IL17RD: variants seen among roughly 807,000 people sequenced by gnomAD.
The protein encoded by IL17RD is interleukin 17 receptor D, also known as interleukin-17 receptor D.
Under a neutral mutation model 80.5 loss-of-function variants are expected in IL17RD, and 52 were observed. The ratio of observed to expected loss-of-function variants is 0.65; its 90% confidence interval spans 0.52 to 0.81. The LOEUF is 0.81. IL17RD is among the 40% of genes least tolerant of loss of function. The pLI, the probability that IL17RD is intolerant of heterozygous loss-of-function variation, is 0.00. For synonymous variants in IL17RD, 416 were observed against 391.8 expected (o/e 1.06, Z -0.73); for missense variants, 1,024 against 955.1 (o/e 1.07, Z -0.95).
intron 3 of IL17RD, among the ~76,000 whole-genome samples, chr3:57,114,315 C>T (rs565517592): frequency 6.6e-5 from 10 of 152,276 alleles, no homozygotes; most frequent in East Asian, 1.9e-4. Context: ...TCTCTGTGTC[C>T]GCGGAGACTG....
At chr3:57,114,301 C>T (rs1707163963) in intron 3 of IL17RD, among the ~76,000 whole-genome samples, 1 of 152,184 alleles carries the variant, frequency 6.6e-6, no homozygotes, top group Non-Finnish European at 1.5e-5. Flanking sequence ...GCTGGGCTGG[C>T]ATGTCTCTGT....
At chr3:57,099,254 T>A (rs1579256358) in intron 11 of IL17RD, among the ~76,000 whole-genome samples, 1 of 152,248 alleles carries the variant, frequency 6.6e-6, no homozygotes, top group South Asian at 2.1e-4. Context: ...TTCACACAGG[T>A]ATACAAGGCT....
At chr3:57,108,704 C>T (rs572776923) in intron 5 of IL17RD, among the ~76,000 whole-genome samples, 12 of 151,738 alleles carry the variant, frequency 7.9e-5, no homozygotes, top group Admixed American at 3.3e-4. Flanking sequence ...TTAGTACAGA[C>T]GGGGTTTCAC....
Position 57,127,325 on chromosome 3 carries a change from TA to T in IL17RD, c.127-7013del, listed in dbSNP as rs1376746459. ...ATATAAAAATATATAAAAATATATA[TA>T]AATATATATAAAAATATATATAAAT... On this transcript the variant is annotated intron_variant, in intron 1 of 12. Coordinates refer to ENST00000296318, the MANE Select transcript of IL17RD (RefSeq NM_017563.5). 2.6e-3 allele frequency among the ~76,000 whole-genome samples: 227 copies of T among 86,004 alleles called. 10 individuals are homozygous for T. Among genetic ancestry groups the T allele is most frequent in the African/African-American group, 8.9e-3 (187 of 20,924 alleles). The allele number at this position is 86,004 out of a possible 152,430, so 56.4% of individuals were successfully genotyped here. A position where few individuals can be genotyped will look rare whatever the true frequency, so the allele number is the denominator to read the frequency against.
In IL17RD at chr3:57,114,788, TCC is replaced by T. The variant is rs773695922; in HGVS notation, c.212_213del (p.Gly71GlufsTer6). On this transcript the variant is annotated frameshift_variant, in exon 3 of 13. Transcript: ENST00000296318. LOFTEE classifies it high-confidence loss of function. ...TTCTGGGCGTCAGCAATCACATGCT[TCC>T]CCACTGGATTCAAGTAGGTGGTACA... ...DNCTTYLNPVGKHVIADAQNI... is the reference protein window; with the variant it reads ...DNCTTYLNPVXKHVIADAQNI... 2 of 1,610,108 alleles carry T rather than the reference TCC, an allele frequency of 1.2e-6. No homozygotes were observed. Among genetic ancestry groups the T allele is most frequent in the Non-Finnish European group, 1.7e-6 (2 of 1,178,386 alleles).
Position 57,102,472 on chromosome 3 carries a change from G to C in IL17RD, c.979+7C>G. 6.7e-7 allele frequency: 1 copy of C among 1,502,380 alleles called. No homozygotes were observed. The highest frequency in any genetic ancestry group is 9.1e-7 in the Non-Finnish European group (1 of 1,094,582). The allele number at this position is 1,502,380 out of a possible 1,614,324, so 93.1% of individuals were successfully genotyped here. On this transcript the variant is annotated splice_region_variant and intron_variant, in intron 10 of 12. Transcript: ENST00000296318. ...GTTGTGGGGAGACACAGCACACAAA[G>C]AGATACCTTGTTGCTTCTTGCGGCA...
At chr3:57,145,276 T>C (rs1707903828) in intron 1 of IL17RD, among the ~76,000 whole-genome samples, 1 of 152,156 alleles carries the variant, frequency 6.6e-6, no homozygotes, top group Admixed American at 6.6e-5. Context: ...GAAGACTAAA[T>C]GGGTTGTAAT....
chr3:57,093,328 T>C lies in IL17RD; in HGVS notation c.*3065A>G, dbSNP rs1428944151. On this transcript the variant is annotated 3_prime_UTR_variant, in exon 13 of 13. Coordinates refer to ENST00000296318, the MANE Select transcript of IL17RD (RefSeq NM_017563.5). ...CTCTTCAATAAAGACAGAAATAATA[T>C]TTTCTCTCTTCTTCAGGGAGCCAAA... The C allele has an allele frequency of 1.1e-4, 16 of 152,198 alleles. No individual in the cohort carries two copies. Among genetic ancestry groups the C allele is most frequent in the African/African-American group, 3.6e-4 (15 of 41,448 alleles). 9.4% of individuals were successfully genotyped at this position (152,198 alleles called of 1,614,324 possible). A position where few individuals can be genotyped will look rare whatever the true frequency, so the allele number is the denominator to read the frequency against.
intron 7 of IL17RD, among the ~76,000 whole-genome samples, chr3:57,105,135 T>C (rs1706925119): frequency 6.6e-6 from 1 of 152,132 alleles, no homozygotes. Flanking sequence ...AGCTTTCTCA[T>C]CTGTAAAATG....
upstream of IL17RD, chr3:57,169,089 G>A (rs78907528): frequency 2.2e-3 from 856 of 384,194 alleles, 2 homozygotes; most frequent in Non-Finnish European, 3.9e-3. Flanking sequence ...CTCTGTCCTG[G>A]AAGCTGAGCT....
rs34343372 is a variant in IL17RD, at chr3:57,148,324, C to CAA, written c.126+16835_126+16836dup. ...TGGGCAACAGAGCGAGACTCTATCT[C>CAA]AAAAAAAAAAAAAAAAGAAAAGAAA... On this transcript the variant is annotated intron_variant, in intron 1 of 12. Coordinates refer to ENST00000296318, the MANE Select transcript of IL17RD (RefSeq NM_017563.5). Among the ~76,000 whole-genome samples, 507 of 104,028 alleles carry CAA rather than the reference C, an allele frequency of 4.9e-3. 3 individuals are homozygous for CAA. The highest frequency in any genetic ancestry group is 0.016 in the African/African-American group (473 of 30,086). 68.2% of individuals were successfully genotyped at this position (104,028 alleles called of 152,430 possible).
At position 57,092,476 on chromosome 3, in the gene IL17RD, C is replaced by A. The variant is rs1444126122; in HGVS notation, c.*3917G>T. 1 of 151,928 alleles carries A rather than the reference C, an allele frequency of 6.6e-6. No individual in the cohort carries two copies. Among genetic ancestry groups the A allele is most frequent in the Non-Finnish European group, 1.5e-5 (1 of 68,000 alleles). 9.4% of individuals were successfully genotyped at this position (151,928 alleles called of 1,614,324 possible). Reference sequence around the variant, plus strand: ...TGGTGGTGGGCGCCTGTAGTCCCAGCTACTCAGGAGGCTGAGGCAGGAGAA... The same window carrying A: ...TGGTGGTGGGCGCCTGTAGTCCCAGATACTCAGGAGGCTGAGGCAGGAGAA... On this transcript the variant is annotated 3_prime_UTR_variant, in exon 13 of 13. Transcript: ENST00000296318.
intron 2 of IL17RD, among the ~76,000 whole-genome samples, chr3:57,119,170 G>A (rs1303128812): frequency 6.6e-6 from 1 of 152,130 alleles, no homozygotes; most frequent in East Asian, 1.9e-4. Context: ...GGCTAACACA[G>A]TGAAACCCCA....
At chr3:57,120,441 C>T (rs1319434194) in intron 1 of IL17RD, 128 bp from the exon 2 acceptor site, 2 of 684,052 alleles carry the variant, frequency 2.9e-6, no homozygotes, top group Non-Finnish European at 5.2e-6. Flanking sequence ...GGACATCATC[C>T]ACCACTCTTT....
chr3:57,122,228 A>G (rs2107500868), intron 1 of IL17RD, among the ~76,000 whole-genome samples: 1 of 152,370 alleles, frequency 6.6e-6, no homozygotes, highest in East Asian at 1.9e-4. Context: ...CTTAACAAGG[A>G]GAAGGATAAC....
At chr3:57,118,194 C>T (rs571456545) in intron 2 of IL17RD, among the ~76,000 whole-genome samples, 1 of 152,254 alleles carries the variant, frequency 6.6e-6, no homozygotes, top group South Asian at 2.1e-4. Flanking sequence ...TTAGCTGAAC[C>T]AAGTATCATG....
In IL17RD at chr3:57,098,378, C is replaced by T. The variant is rs374629547; in HGVS notation, c.1325G>A (p.Arg442Gln). The part of the protein sequence containing the change: ...KKNYKHKGGG[R>Q]GSGKGELFLV... ...GAAGAGCTCTCCTTTCCCCGAGCCT[C>T]GGCCACCTCCTTTGTGTTTGTAGTT... Residue 442 changes from arginine to glutamine, a missense_variant, in exon 12 of 13, where the codon CGA becomes CAA. By Grantham distance (43) the Arg-to-Gln change is conservative. Transcript: ENST00000296318. 8 of 1,613,896 alleles carry T rather than the reference C, an allele frequency of 5.0e-6. No homozygotes were observed. The highest frequency in any genetic ancestry group is 2.2e-5 in the East Asian group (1 of 44,886).
At position 57,165,241 on chromosome 3, in the gene IL17RD, C is replaced by T. The variant is rs1364879791; in HGVS notation, c.46G>A (p.Ala16Thr). 10 of 1,529,116 alleles carry T rather than the reference C, an allele frequency of 6.5e-6. No homozygotes were observed. Among genetic ancestry groups the T allele is most frequent in the Non-Finnish European group, 8.8e-6 (10 of 1,138,426 alleles). 94.7% of individuals were successfully genotyped at this position (1,529,116 alleles called of 1,614,324 possible). ...QLCSVFFTVN[A>T]CLNGSQLAVA... ...GCCAGCTGCGAGCCGTTGAGGCAGG[C>T]GTTGACCGTAAAGAAGACGGAGCAG... Residue 16 changes from alanine (A) to threonine (T), a missense_variant, in exon 1 of 13, where the codon GCC becomes ACC. Coordinates refer to ENST00000296318, the MANE Select transcript of IL17RD (RefSeq NM_017563.5).
At position 57,127,359 on chromosome 3, in the gene IL17RD, AATATAAATAT is replaced by A. The variant is rs1707509080; in HGVS notation, c.127-7056_127-7047del. Among the ~76,000 whole-genome samples the A allele has an allele frequency of 2.8e-4, 21 of 74,002 alleles. 1 individual carries two copies. The highest frequency in any genetic ancestry group is 4.4e-4 in the South Asian group (1 of 2,294). The allele number at this position is 74,002 out of a possible 152,430, so 48.5% of individuals were successfully genotyped here. On this transcript the variant is annotated intron_variant, in intron 1 of 12. Coordinates refer to ENST00000296318, the MANE Select transcript of IL17RD (RefSeq NM_017563.5). The stretch of plus-strand genomic sequence containing the variant: ...ATAAAAATATATATAAATATATATA[AATATAAATAT>A]ATATATATAAATAAATAAATAAATA...
Sources: gnomAD v4.1 joint callset for allele counts (sites outside exome capture counted in the v4.1 genomes callset) on GRCh38, gnomAD v4.1.1 for gene constraint, MANE v1.5 for transcripts, NCBI Gene and HGNC (gene_info 2026-07-23, HGNC 2026-07-21) for gene names.